ATG2B: variants seen among roughly 807,000 people sequenced by gnomAD.
The protein encoded by ATG2B is autophagy-related protein 2 homolog B.
Under a neutral mutation model 241.3 loss-of-function variants are expected in ATG2B, and 121 were observed. The observed-to-expected ratio is 0.50, with a 90% CI of 0.43 to 0.58. The LOEUF (loss-of-function observed/expected upper bound fraction) is 0.58, where lower values mean the gene tolerates loss of function less well. ATG2B is among the 20% of genes least tolerant of loss of function. The pLI, the probability that ATG2B is intolerant of heterozygous loss-of-function variation, is 0.00. For missense variants in ATG2B, 2,306 were observed against 2,491.6 expected, an observed-to-expected ratio of 0.93 and a Z score of 1.59; for synonymous variants, 858 against 876.6, an observed-to-expected ratio of 0.98 and a Z score of 0.37.
intron 34 of ATG2B, among the ~76,000 whole-genome samples, chr14:96,301,720 A>G (rs1394021312): frequency 1.3e-5 from 2 of 152,232 alleles, no homozygotes; most frequent in African/African-American, 2.4e-5. Flanking sequence ...AAATGTATGC[A>G]TATCTGAACT....
In ATG2B at chr14:96,302,129, T is replaced by C. The variant is rs111402318; in HGVS notation, c.5038-21A>G. 17 of 1,509,848 alleles carry C rather than the reference T, an allele frequency of 1.1e-5. No homozygotes were observed. The South Asian group carries it at 2.0e-4, about 17-fold the overall frequency. The allele number at this position is 1,509,848 out of a possible 1,614,324, so 93.5% of individuals were successfully genotyped here. A position where few individuals can be genotyped will look rare whatever the true frequency, so the allele number is the denominator to read the frequency against. On this transcript the variant is annotated intron_variant, in intron 33 of 41. Coordinates refer to ENST00000359933, the MANE Select transcript of ATG2B (RefSeq NM_018036.7). ...GTCAACTACAAGGCAAGAAAGAGAA[T>C]AACATTTTTCCCCAATAATATGATG...
rs189650830 is a variant in ATG2B, at chr14:96,289,065, A to G, written c.6006+591T>C. 6.3e-4 allele frequency among the ~76,000 whole-genome samples: 96 copies of G among 152,358 alleles called. 1 individual carries two copies. The highest frequency in any genetic ancestry group is 6.6e-4 in the Non-Finnish European group (45 of 68,034). On this transcript the variant is annotated intron_variant, in intron 41 of 41. Transcript: ENST00000359933. The surrounding 1 kb of genome is among the most constrained non-coding windows in gnomAD (Gnocchi z 4.3). ...AGTGAAATACCATAAAACTGTGGAA[A>G]TTAGACCTACATGGATTAAGATTAA...
chr14:96,332,323 T>C lies in ATG2B; in HGVS notation c.1450A>G (p.Thr484Ala), dbSNP rs1403495132. ...STFPSNLVHPTPLQKTSLPSR... is the reference protein window; with the variant it reads ...STFPSNLVHPAPLQKTSLPSR... ...TACTTACATGTCTTCTGTAAAGGTG[T>C]TGGGTGAACTAGGTTGGATGGAAAT... Residue 484 changes from threonine to alanine, a missense_variant, in exon 10 of 42, where the codon ACA (threonine) becomes GCA (alanine). Physicochemically the swap from Thr to Ala is moderately conservative, Grantham distance 58. This residue lies in a region of ATG2B where 1,927 missense variants were observed against 2,011.2 expected (regional missense o/e 0.96). Transcript: ENST00000359933. 5.6e-6 allele frequency: 9 copies of C among 1,613,210 alleles called. No homozygotes were observed. The highest frequency in any genetic ancestry group is 5.3e-5 in the African/African-American group (4 of 75,014).
intron 34 of ATG2B, among the ~76,000 whole-genome samples, chr14:96,300,257 T>C (rs770898365): frequency 6.6e-5 from 10 of 152,314 alleles, no homozygotes; most frequent in Non-Finnish European, 1.2e-4. Flanking sequence ...CAGTGGCTTA[T>C]GCCTATCATC....
intron 21 of ATG2B, 22 bp downstream of exon 21, chr14:96,316,511 C>G (rs1461559429): frequency 4.4e-6 from 7 of 1,603,476 alleles, no homozygotes; most frequent in Admixed American, 1.7e-5. Flanking sequence ...AGAGAAGAAA[C>G]CAAGACACGT....
At position 96,341,562 on chromosome 14, in the gene ATG2B, C is replaced by G. The variant is rs747064850; in HGVS notation, c.884G>C (p.Ser295Thr). The G allele has an allele frequency of 6.2e-7, 1 of 1,603,082 alleles. No individual in the cohort carries two copies. Among genetic ancestry groups the G allele is most frequent in the Admixed American group, 1.7e-5 (1 of 59,168 alleles). ...IGRLIGRLEL[S>T]LTLKQNEVLP... ...CACTTCATTCTGTTTCAACGTGAGA[C>G]TCAACTCCAACCTACCAATTAACCG... The change falls in exon 6 of 42, where the codon AGT becomes ACT. Residue 295 changes from serine (S) to threonine (T), a missense_variant. By Grantham distance (58) the Ser-to-Thr change is moderately conservative. Around this residue, in one of 2 missense-constraint regions of ATG2B, gnomAD observed 1,927 missense variants for 2,011.2 expected, o/e 0.96. Transcript: ENST00000359933.
At chr14:96,344,618 A>G (rs1471847201) in intron 4 of ATG2B, 36 bp downstream of exon 4, 1 of 1,220,510 alleles carries the variant, frequency 8.2e-7, no homozygotes. Flanking sequence ...CAGAGTTACA[A>G]TAGGGTCATT....
chr14:96,306,621 A>C, intron 30 of ATG2B, 93 bp downstream of exon 30: 1 of 1,105,726 alleles, frequency 9.0e-7, no homozygotes, highest in South Asian at 1.7e-5. Context: ...ACTATAAAGA[A>C]TTTACAAAAT....
intron 2 of ATG2B, among the ~76,000 whole-genome samples, chr14:96,345,617 CACA>C (rs1427385414): frequency 1.3e-5 from 2 of 152,142 alleles, no homozygotes; most frequent in African/African-American, 4.8e-5. Context: ...AATGTGCTCT[CACA>C]ACATGTTATA....
intron 41 of ATG2B, among the ~76,000 whole-genome samples, chr14:96,287,948 T>C (rs1479364772): frequency 6.6e-6 from 1 of 152,208 alleles, no homozygotes; most frequent in African/African-American, 2.4e-5. Flanking sequence ...ACAAGGCATT[T>C]TCTCTTCATC....
chr14:96,286,494 G>C lies in ATG2B; in HGVS notation c.6007-509C>G, dbSNP rs75075074. ...CTCAATAGAACATTTTATTGGATTAGAGAATTCTGAGAACAAAAAGCAGGA... is the reference window on the plus strand; with the variant it reads ...CTCAATAGAACATTTTATTGGATTACAGAATTCTGAGAACAAAAAGCAGGA... On this transcript the variant is annotated intron_variant, in intron 41 of 41. Transcript: ENST00000359933. Among the ~76,000 whole-genome samples the C allele has an allele frequency of 6.2e-3, 937 of 152,266 alleles. 14 individuals carry two copies. Among genetic ancestry groups the C allele is most frequent in the African/African-American group, 0.021 (883 of 41,538 alleles).
At chr14:96,294,904 A>T in intron 36 of ATG2B, 56 bp downstream of exon 36, 6 of 1,519,582 alleles carry the variant, frequency 3.9e-6, no homozygotes, top group Non-Finnish European at 5.4e-6. Flanking sequence ...TACATCACAG[A>T]ACAATCTTCA....
chr14:96,339,300 GTGT>G (rs1887947268), intron 6 of ATG2B, among the ~76,000 whole-genome samples: 1 of 149,474 alleles, frequency 6.7e-6, no homozygotes, highest in African/African-American at 2.5e-5. Flanking sequence ...GTGTGTGTGT[GTGT>G]GTATACATAT....
Position 96,315,203 on chromosome 14 carries a change from G to A in ATG2B, c.3593C>T (p.Ala1198Val), listed in dbSNP as rs1566722538. Reference protein sequence around the residue: ...EFLIAVGLKGATLQHRMLPSG... With the variant: ...EFLIAVGLKGVTLQHRMLPSG... Reference sequence around the variant, plus strand: ...AGGAAGCATTCTATGCTGGAGAGTGGCTCCTTTCAGTCCTACGGCAATGAG... The same window carrying A: ...AGGAAGCATTCTATGCTGGAGAGTGACTCCTTTCAGTCCTACGGCAATGAG... Residue 1198 changes from alanine to valine, a missense_variant, in exon 23 of 42, where the codon GCC becomes GTC. Transcript: ENST00000359933. 2 of 1,614,058 alleles carry A rather than the reference G, an allele frequency of 1.2e-6. No homozygotes were observed. The highest frequency in any genetic ancestry group is 2.2e-5 in the East Asian group (1 of 44,876).
rs765971636 is a variant in ATG2B at position 96,279,195 on chromosome 14, TAGTC to T, written c.*6556_*6559del. On this transcript the variant is annotated 3_prime_UTR_variant, in exon 42 of 42. Coordinates refer to ENST00000359933, the MANE Select transcript of ATG2B (RefSeq NM_018036.7). ...AGCAGAGGAGTCGCCACATAGGAAA[TAGTC>T]AATCAATGATGAACTTTTATTTCAT... 1.3e-5 allele frequency: 2 copies of T among 152,146 alleles called. No individual in the cohort carries two copies. The highest frequency in any genetic ancestry group is 2.4e-5 in the African/African-American group (1 of 41,394). 9.4% of individuals were successfully genotyped at this position (152,146 alleles called of 1,614,324 possible). A position where few individuals can be genotyped will look rare whatever the true frequency, so the allele number is the denominator to read the frequency against.
intron 6 of ATG2B, among the ~76,000 whole-genome samples, chr14:96,340,930 A>G (rs1888017794): frequency 6.6e-6 from 1 of 150,788 alleles, no homozygotes. Context: ...CATCTCGAAA[A>G]AAAAAAAAAA....
At chr14:96,293,819 C>T (rs1459954524) in intron 36 of ATG2B, among the ~76,000 whole-genome samples, 5 of 151,390 alleles carry the variant, frequency 3.3e-5, no homozygotes, top group Non-Finnish European at 7.4e-5. Context: ...ACTTTTTAAA[C>T]GTAAATAAAT....
intron 6 of ATG2B, among the ~76,000 whole-genome samples, chr14:96,339,271 AGTGTGTGTGTGTGTGTGTGT>A (rs34822684): frequency 1.4e-5 from 2 of 147,470 alleles, no homozygotes; most frequent in African/African-American, 5.0e-5. Context: ...GCAATTCCAC[AGTGTGTGTGTGTGTGTGTGT>A]GTGTGTGTGT....
Position 96,281,509 on chromosome 14 carries a change from G to A in ATG2B, c.*4246C>T, listed in dbSNP as rs997799555. On this transcript the variant is annotated 3_prime_UTR_variant, in exon 42 of 42. Coordinates refer to ENST00000359933, the MANE Select transcript of ATG2B (RefSeq NM_018036.7). ...GTCAGGATGGATCAACATAAAAGCT[G>A]AACTAGACACCCCTACCAAATTTCT... The A allele has an allele frequency of 9.9e-5, 15 of 152,254 alleles. No individual in the cohort carries two copies. Among genetic ancestry groups the A allele is most frequent in the African/African-American group, 3.4e-4 (14 of 41,544 alleles). The allele number at this position is 152,254 out of a possible 1,614,324, so 9.4% of individuals were successfully genotyped here.
Sources: gnomAD v4.1 joint callset for allele counts (sites outside exome capture counted in the v4.1 genomes callset) on GRCh38, gnomAD v4.1.1 for gene constraint, gnomAD v4.1.1 regional missense constraint, Gnocchi (gnomAD v3.1) non-coding constraint, MANE v1.5 for transcripts, NCBI Gene and HGNC (gene_info 2026-07-23, HGNC 2026-07-21) for gene names.